EDIL3: variants seen among roughly 807,000 people sequenced by gnomAD.
EDIL3 encodes EGF-like repeat and discoidin I-like domain-containing protein 3.
Under a neutral mutation model 67.4 loss-of-function variants are expected in EDIL3, and 37 were observed. The ratio of observed to expected loss-of-function variants is 0.55; its 90% CI spans 0.42 to 0.72. The LOEUF (loss-of-function observed/expected upper bound fraction) is 0.72. EDIL3 is among the 30% of genes least tolerant of loss of function. The pLI, the probability that EDIL3 is intolerant of heterozygous loss-of-function variation, is 0.00. For missense variants in EDIL3, 527 were observed against 586.3 expected (o/e 0.90, Z 1.04); for synonymous variants, 195 against 196.3 (o/e 0.99, Z 0.05).
intron 1 of EDIL3, among the ~76,000 whole-genome samples, chr5:84,262,396 T>C (rs1745240790): frequency 6.6e-6 from 1 of 151,698 alleles, no homozygotes; most frequent in Non-Finnish European, 1.5e-5. Context: ...TTGCCTTTAA[T>C]TGGGAGAAAG....
In EDIL3 at chr5:83,943,374, A is replaced by G; in HGVS notation, c.*45T>C. ...TTTGCACAGTTCATTCCATGGAGAT[A>G]CTTTTAGGGAAATAGGGAAGAGGGT... On this transcript the variant is annotated 3_prime_UTR_variant, in exon 11 of 11. Coordinates refer to ENST00000296591, the MANE Select transcript of EDIL3 (RefSeq NM_005711.5). 1 of 1,610,172 alleles carries G rather than the reference A, an allele frequency of 6.2e-7. No homozygotes were observed. Among genetic ancestry groups the G allele is most frequent in the Middle Eastern group, 1.7e-4 (1 of 6,006 alleles).
chr5:84,192,538 C>T (rs1743614570), intron 3 of EDIL3, among the ~76,000 whole-genome samples: 1 of 151,916 alleles, frequency 6.6e-6, no homozygotes, highest in African/African-American at 2.4e-5. Context: ...CCCAAAGTTT[C>T]ATATCAACTC....
At chr5:83,997,517 A>G (rs1411365057) in intron 9 of EDIL3, among the ~76,000 whole-genome samples, 1 of 152,158 alleles carries the variant, frequency 6.6e-6, no homozygotes, top group Non-Finnish European at 1.5e-5. Context: ...CCTGAGAATA[A>G]AGATGGAATT....
intron 9 of EDIL3, among the ~76,000 whole-genome samples, chr5:84,004,065 C>A (rs1245467383): frequency 2.7e-5 from 4 of 150,918 alleles, no homozygotes; most frequent in African/African-American, 7.3e-5. Flanking sequence ...CAACAACAAT[C>A]AAAAAGGACA....
intron 5 of EDIL3, among the ~76,000 whole-genome samples, chr5:84,129,893 AAAGAT>A (rs1747931033): frequency 2.0e-5 from 3 of 152,114 alleles, no homozygotes; most frequent in Non-Finnish European, 4.4e-5. Context: ...TTAAGGCCTA[AAAGAT>A]AAGATATACT....
At chr5:84,024,131 T>A (rs1561406656) in intron 9 of EDIL3, among the ~76,000 whole-genome samples, 2 of 152,180 alleles carry the variant, frequency 1.3e-5, no homozygotes, top group East Asian at 1.9e-4. Context: ...TTTGTAAGTA[T>A]ACTTCATTCT....
intron 1 of EDIL3, among the ~76,000 whole-genome samples, chr5:84,304,519 A>T (rs1210189499): frequency 1.3e-5 from 2 of 152,206 alleles, no homozygotes; most frequent in African/African-American, 4.8e-5. Flanking sequence ...GCTTTAATGA[A>T]GTTGACACAA....
intron 6 of EDIL3, among the ~76,000 whole-genome samples, chr5:84,075,777 C>A (rs1025430707): frequency 3.3e-5 from 5 of 151,804 alleles, no homozygotes; most frequent in Admixed American, 1.3e-4. Context: ...GCCCGGCCCA[C>A]AGGGGCTTAT....
chr5:84,027,970 T>C (rs985083743), intron 9 of EDIL3, among the ~76,000 whole-genome samples: 2 of 152,176 alleles, frequency 1.3e-5, no homozygotes, highest in Non-Finnish European at 2.9e-5. Flanking sequence ...TGGACAACAC[T>C]GAATTCACTT....
intron 6 of EDIL3, among the ~76,000 whole-genome samples, chr5:84,081,366 G>A (rs569847820): frequency 1.3e-5 from 2 of 152,198 alleles, no homozygotes; most frequent in East Asian, 3.9e-4. Flanking sequence ...TAAATATTAA[G>A]GTAGTCTCGA....
chr5:84,020,522 G>T (rs144921854), intron 9 of EDIL3, among the ~76,000 whole-genome samples: 1 of 151,804 alleles, frequency 6.6e-6, no homozygotes, highest in Non-Finnish European at 1.5e-5. Flanking sequence ...ATTCTTCTTC[G>T]CATCTCTTTA....
At chr5:84,125,394 T>C (rs1163452494) in intron 5 of EDIL3, among the ~76,000 whole-genome samples, 1 of 152,066 alleles carries the variant, frequency 6.6e-6, no homozygotes, top group East Asian at 1.9e-4. Flanking sequence ...GTCATTTCTA[T>C]TGTTTTAAAA....
At chr5:84,361,270 AACACACAC>A (rs10553087) in intron 1 of EDIL3, among the ~76,000 whole-genome samples, 21 of 147,500 alleles carry the variant, frequency 1.4e-4, no homozygotes, top group African/African-American at 4.2e-4. Context: ...AGGTCATTAC[AACACACAC>A]ACACACACAC....
At chr5:84,103,966 C>T (rs1391557390) in intron 6 of EDIL3, among the ~76,000 whole-genome samples, 3 of 151,980 alleles carry the variant, frequency 2.0e-5, no homozygotes, top group African/African-American at 7.2e-5. Flanking sequence ...TGGAATCAAC[C>T]GAAATGCCAA....
At chr5:84,016,551 G>A (rs76749733) in intron 9 of EDIL3, among the ~76,000 whole-genome samples, 49 of 152,238 alleles carry the variant, frequency 3.2e-4, no homozygotes, top group African/African-American at 1.2e-3. Flanking sequence ...TTTGAGTGCT[G>A]ATATGATGTG....
intron 9 of EDIL3, among the ~76,000 whole-genome samples, chr5:84,039,379 G>C (rs2112211770): frequency 6.6e-6 from 1 of 152,220 alleles, no homozygotes; most frequent in Admixed American, 6.5e-5. Context: ...CTAAACACAG[G>C]AGAGCCAGAA....
intron 5 of EDIL3, among the ~76,000 whole-genome samples, chr5:84,121,758 G>A (rs72776514): frequency 0.074 from 11,295 of 151,970 alleles, 508 homozygotes; most frequent in Middle Eastern, 0.13. Context: ...CTGTCCCAGC[G>A]TTCCCCCAAA....
intron 10 of EDIL3, among the ~76,000 whole-genome samples, chr5:83,945,580 G>C (rs1031838794): frequency 5.9e-5 from 9 of 151,986 alleles, no homozygotes; most frequent in Non-Finnish European, 1.3e-4. Flanking sequence ...TCTCTTAAGT[G>C]TCTGCTCTCC....
intron 1 of EDIL3, among the ~76,000 whole-genome samples, chr5:84,307,177 G>A (rs1240867747): frequency 6.6e-6 from 1 of 152,184 alleles, no homozygotes; most frequent in Non-Finnish European, 1.5e-5. Flanking sequence ...AGTGATAGGA[G>A]AGAAGTAGGG....
Sources: gnomAD v4.1 joint callset for allele counts (sites outside exome capture counted in the v4.1 genomes callset) on GRCh38, gnomAD v4.1.1 for gene constraint, MANE v1.5 for transcripts, NCBI Gene and HGNC (gene_info 2026-07-23, HGNC 2026-07-21) for gene names.